TNK2: variants seen among roughly 807,000 people sequenced by gnomAD.
TNK2 encodes tyrosine kinase non receptor 2.
In TNK2, 83 loss-of-function variants were observed where a neutral mutation model predicts 101.8. The ratio of observed to expected loss-of-function variants is 0.82; its 90% CI spans 0.68 to 0.98. The LOEUF is 0.98. Ranked by LOEUF, TNK2 falls within the 50% of genes least tolerant of loss-of-function variation. TNK2 has a pLI of 0.00. For synonymous variants in TNK2, 804 were observed against 633.0 expected (o/e 1.27, Z -4.06); for missense variants, 1,665 against 1,483.2 (o/e 1.12, Z -2.01).
intron 1 of TNK2, among the ~76,000 whole-genome samples, chr3:195,889,623 A>G (rs1757551849): frequency 6.6e-6 from 1 of 152,250 alleles, no homozygotes; most frequent in African/African-American, 2.4e-5. Context: ...TCTGAAAAGC[A>G]TGCACACGCA....
chr3:195,870,275 C>T (rs559639322), intron 10 of TNK2, 70 bp from the exon 11 acceptor site: 1 of 1,587,026 alleles, frequency 6.3e-7, no homozygotes, highest in East Asian at 2.3e-5. Flanking sequence ...CTCATCAGAG[C>T]CCCTTCGTCC....
intron 1 of TNK2, among the ~76,000 whole-genome samples, chr3:195,901,572 C>T (rs1761211868): frequency 6.6e-6 from 1 of 152,130 alleles, no homozygotes; most frequent in Non-Finnish European, 1.5e-5. Context: ...TCTCACCTTC[C>T]TTAGACACCC....
rs939541886 is a variant in TNK2 at position 195,885,130 on chromosome 3, G to C, written c.235-97C>G. 3.1e-6 allele frequency: 4 copies of C among 1,308,680 alleles called. No individual in the cohort carries two copies. The African/African-American group carries it at 6.0e-5, about 19-fold the overall frequency. The allele number at this position is 1,308,680 out of a possible 1,614,324, so 81.1% of individuals were successfully genotyped here. On this transcript the variant is annotated intron_variant, in intron 3 of 15. Transcript: ENST00000672887. This position sits in a 1 kb window ranked among gnomAD's most constrained non-coding sequence, Gnocchi z 4.7. ...GGTCCACCTGGTGATCCCCGGCTTC[G>C]GCTTCCAGATAGGTCCTGGTTTTGC... is the stretch of plus-strand genomic sequence containing the variant.
At chr3:195,902,886 A>G (rs557345277) in intron 1 of TNK2, among the ~76,000 whole-genome samples, 2 of 151,702 alleles carry the variant, frequency 1.3e-5, no homozygotes, top group Non-Finnish European at 1.5e-5. Flanking sequence ...AGTAGCTGGA[A>G]TTACATGAGC....
intron 1 of TNK2, among the ~76,000 whole-genome samples, chr3:195,893,327 TG>T (rs1185284422): frequency 6.6e-6 from 1 of 151,458 alleles, no homozygotes; most frequent in Admixed American, 6.6e-5. Flanking sequence ...AAGGGTAGGG[TG>T]GGGTGAGGAT....
chr3:195,867,079 G>C, intron 14 of TNK2, 63 bp from the exon 15 acceptor site: 1 of 1,608,230 alleles, frequency 6.2e-7, no homozygotes, highest in Non-Finnish European at 8.5e-7. Flanking sequence ...TGGGGAAGAG[G>C]GGAGTCGGAG....
Position 195,888,344 on chromosome 3 carries a change from G to A in TNK2, c.163+82C>T, listed in dbSNP as rs1757015123. 1 of 1,454,806 alleles carries A rather than the reference G, an allele frequency of 6.9e-7. No homozygotes were observed. Among genetic ancestry groups the A allele is most frequent in the Non-Finnish European group, 9.5e-7 (1 of 1,057,934 alleles). 90.1% of individuals were successfully genotyped at this position (1,454,806 alleles called of 1,614,324 possible). A position where few individuals can be genotyped will look rare whatever the true frequency, so the allele number is the denominator to read the frequency against. ...GGGCTCTGGGACAGAGTTCTCAGCT[G>A]CCACCCGTGCACCGAGTGGTCCTGA... On this transcript the variant is annotated intron_variant, in intron 2 of 15. Coordinates refer to ENST00000672887, the MANE Select transcript of TNK2 (RefSeq NM_001382273.1). The surrounding 1 kb of genome is among the most constrained non-coding windows in gnomAD (Gnocchi z 5.3).
intron 1 of TNK2, among the ~76,000 whole-genome samples, chr3:195,902,041 A>G (rs1761258387): frequency 6.6e-6 from 1 of 152,146 alleles, no homozygotes; most frequent in Non-Finnish European, 1.5e-5. Flanking sequence ...ACCTCACCAG[A>G]ACAACAATTA....
At chr3:195,872,137 T>C (rs972225284) in intron 10 of TNK2, 139 bp downstream of exon 10, 2 of 962,178 alleles carry the variant, frequency 2.1e-6, no homozygotes, top group Non-Finnish European at 3.1e-6. Flanking sequence ...AAGGCCAGGG[T>C]GAGGAGGGGA....
At position 195,868,098 on chromosome 3, in the gene TNK2, G is replaced by A. The variant is rs755185729; in HGVS notation, c.2200C>T (p.Gln734Ter). The part of the protein sequence containing the change: ...ALQQECMRQL[Q>*]APAGSPAPSP... ...GGGGCCGGGGAGCCGGCCGGAGCCT[G>A]CAGTTGCCTCATGCACTCCTGCTGT... is the stretch of plus-strand genomic sequence containing the variant. Residue 734 changes from glutamine to a stop codon, truncating the protein, a stop_gained, in exon 13 of 16, where the codon CAG (glutamine) becomes TAG (stop). Transcript: ENST00000672887. LOFTEE classifies it high-confidence loss of function. The A allele has an allele frequency of 6.2e-7, 1 of 1,610,924 alleles. No homozygotes were observed. The highest frequency in any genetic ancestry group is 1.1e-5 in the South Asian group (1 of 90,880).
At position 195,888,482 on chromosome 3, in the gene TNK2, G is replaced by T. The variant is rs1335952597; in HGVS notation, c.107C>A (p.Ser36Tyr). 2 of 1,613,954 alleles carry T rather than the reference G, an allele frequency of 1.2e-6. No homozygotes were observed. Among genetic ancestry groups the T allele is most frequent in the African/African-American group, 1.3e-5 (1 of 74,914 alleles). ...LRDDLNVTRL[S>Y]HFEYVKNEDL... ...CTCATTCTTGACGTACTCAAAGTGG[G>T]ACAGGCGGGTGACGTTGAGGTCATC... The change falls in exon 2 of 16, where the codon TCC becomes TAC. Residue 36 changes from serine to tyrosine, a missense_variant. By Grantham distance (144) the Ser-to-Tyr change is moderately radical (BLOSUM62 -2). Transcript: ENST00000672887. The surrounding 1 kb of genome is among the most constrained non-coding windows in gnomAD (Gnocchi z 5.3).
At position 195,887,065 on chromosome 3, in the gene TNK2, A is replaced by G; in HGVS notation, c.164-18T>C. The G allele has an allele frequency of 6.2e-7, 1 of 1,607,650 alleles. No homozygotes were observed. Among genetic ancestry groups the G allele is most frequent in the Non-Finnish European group, 8.5e-7 (1 of 1,176,796 alleles). ...CCGCTGGCCTGCAGGGAGAGCGGGG[A>G]ACCGCGTGCTGTGAAGGCCGCCGTA... On this transcript the variant is annotated intron_variant, in intron 2 of 15. Coordinates refer to ENST00000672887, the MANE Select transcript of TNK2 (RefSeq NM_001382273.1).
At chr3:195,872,774 C>T (rs1275219670) in intron 9 of TNK2, 2 of 351,308 alleles carry the variant, frequency 5.7e-6, no homozygotes, top group Non-Finnish European at 1.0e-5. Flanking sequence ...CCACGGTTAC[C>T]AGAAAGATCC....
intron 1 of TNK2, chr3:195,896,082 G>T (rs1279786512): frequency 4.4e-6 from 2 of 455,554 alleles, no homozygotes; most frequent in South Asian, 1.5e-5. Flanking sequence ...TGACACGAGG[G>T]CCCGGACTCC....
intron 15 of TNK2, among the ~76,000 whole-genome samples, chr3:195,865,850 T>C (rs1216948332): frequency 1.3e-5 from 2 of 151,220 alleles, no homozygotes; most frequent in Admixed American, 1.3e-4. Context: ...AAGACAGACA[T>C]GTCCCCCATC....
chr3:195,901,191 A>C (rs1013830139), intron 1 of TNK2, among the ~76,000 whole-genome samples: 1 of 152,214 alleles, frequency 6.6e-6, no homozygotes, highest in African/African-American at 2.4e-5. Flanking sequence ...TCTGACCTTG[A>C]AGAGCCCGGG....
At chr3:195,887,277 C>A (rs1020683417) in intron 2 of TNK2, among the ~76,000 whole-genome samples, 2 of 152,234 alleles carry the variant, frequency 1.3e-5, no homozygotes, top group African/African-American at 4.8e-5. Context: ...AAACTTGAAG[C>A]GATGGGCTTC....
At position 195,867,733 on chromosome 3, in the gene TNK2, AGCCC is replaced by A. The variant is rs776547271; in HGVS notation, c.2561_2564del (p.Arg854LeufsTer133). ...GGACGATGGGCAGGATGCAGGGACCAGCCCGCGGGCCAGGGGCCTGGATCACCTG... is the reference window on the plus strand; with the variant it reads ...GGACGATGGGCAGGATGCAGGGACCAGCGGGCCAGGGGCCTGGATCACCTG... On this transcript the variant is annotated frameshift_variant, in exon 13 of 16. Coordinates refer to ENST00000672887, the MANE Select transcript of TNK2 (RefSeq NM_001382273.1). LOFTEE classifies it high-confidence loss of function. The A allele has an allele frequency of 6.2e-7, 1 of 1,603,130 alleles. No individual in the cohort carries two copies. The highest frequency in any genetic ancestry group is 1.7e-5 in the Admixed American group (1 of 58,096).
intron 1 of TNK2, among the ~76,000 whole-genome samples, chr3:195,907,381 G>A (rs1348904219): frequency 6.6e-6 from 1 of 152,220 alleles, no homozygotes; most frequent in East Asian, 1.9e-4. Context: ...TCTGCCCCCA[G>A]AGGAGAGCAC....
Sources: gnomAD v4.1 joint callset for allele counts (sites outside exome capture counted in the v4.1 genomes callset) on GRCh38, gnomAD v4.1.1 for gene constraint, Gnocchi (gnomAD v3.1) non-coding constraint, MANE v1.5 for transcripts, NCBI Gene and HGNC (gene_info 2026-07-23, HGNC 2026-07-21) for gene names.